SGCZ: variants seen among roughly 807,000 people sequenced by gnomAD.
SGCZ encodes sarcoglycan zeta.
Under a neutral mutation model 41.3 loss-of-function variants are expected in SGCZ, and 40 were observed. The observed-to-expected ratio is 0.97, with a 90% confidence interval of 0.75 to 1.26. The LOEUF (loss-of-function observed/expected upper bound fraction) is 1.26, where lower values mean the gene tolerates loss of function less well. Ranked by LOEUF, SGCZ falls within the 50% of genes most tolerant of loss-of-function variation. The pLI is 0.00. For synonymous variants in SGCZ, 206 were observed against 137.5 expected (o/e 1.50, Z -3.49); for missense variants, 552 against 369.8 (o/e 1.49, Z -4.04).
intron 1 of SGCZ, among the ~76,000 whole-genome samples, chr8:14,830,142 T>C (rs1802477553): frequency 6.6e-6 from 1 of 152,190 alleles, no homozygotes; most frequent in Non-Finnish European, 1.5e-5. Context: ...TTAAGTTGAA[T>C]TTCAGTTGTA....
In SGCZ at chr8:14,702,642, A is replaced by C. The variant is rs148342386; in HGVS notation, c.40-147716T>G. Among the ~76,000 whole-genome samples, 258 of 151,900 alleles carry C rather than the reference A, an allele frequency of 1.7e-3. 3 individuals are homozygous for C. Among genetic ancestry groups the C allele is most frequent in the African/African-American group, 6.1e-3 (251 of 41,468 alleles). On this transcript the variant is annotated intron_variant, in intron 1 of 7. Coordinates refer to ENST00000382080, the MANE Select transcript of SGCZ (RefSeq NM_139167.4). ...ATCTTAATAAAGGACACCGCTATTT[A>C]CTCAGTTGCTCAAGTCAAACACCTT...
chr8:15,027,028 A>G (rs998301703), intron 1 of SGCZ, among the ~76,000 whole-genome samples: 7 of 152,166 alleles, frequency 4.6e-5, no homozygotes, highest in Non-Finnish European at 1.0e-4. Context: ...GTAATTGTCA[A>G]TATTATTGTT....
At chr8:14,171,473 A>T (rs1804379436) in intron 4 of SGCZ, among the ~76,000 whole-genome samples, 1 of 152,030 alleles carries the variant, frequency 6.6e-6, no homozygotes, top group African/African-American at 2.4e-5. Flanking sequence ...TTCAACTGGT[A>T]GTATAATCTC....
Position 14,784,902 on chromosome 8 carries a change from C to CAAAAAAAAAAAAAAAAA in SGCZ, c.40-229977_40-229976insTTTTTTTTTTTTTTTTT, listed in dbSNP as rs1182679983. On this transcript the variant is annotated intron_variant, in intron 1 of 7. Transcript: ENST00000382080. ...GGGTAACAAGAGTGAAACTCTGCCT[C>CAAAAAAAAAAAAAAAAA]AAAAAAAAAAAATATATATATATAT... Among the ~76,000 whole-genome samples, 36 of 39,496 alleles carry CAAAAAAAAAAAAAAAAA rather than the reference C, an allele frequency of 9.1e-4. 2 individuals are homozygous for CAAAAAAAAAAAAAAAAA. Among genetic ancestry groups the CAAAAAAAAAAAAAAAAA allele is most frequent in the Non-Finnish European group, 1.0e-3 (25 of 24,530 alleles). The allele number at this position is 39,496 out of a possible 152,430, so 25.9% of individuals were successfully genotyped here. A position where few individuals can be genotyped will look rare whatever the true frequency, so the allele number is the denominator to read the frequency against.
chr8:14,127,412 TTTGA>T (rs1458111541), intron 5 of SGCZ, among the ~76,000 whole-genome samples: 2 of 152,116 alleles, frequency 1.3e-5, no homozygotes, highest in Non-Finnish European at 2.9e-5. Context: ...ATCTCATCAC[TTTGA>T]TTAATTTTAA....
chr8:14,182,835 C>T (rs1198504663), intron 4 of SGCZ, among the ~76,000 whole-genome samples: 4 of 151,850 alleles, frequency 2.6e-5, no homozygotes, highest in Admixed American at 2.6e-4. Flanking sequence ...CATTGTGAAA[C>T]CCCATCTCTA....
chr8:14,398,564 G>C (rs2117238560), intron 2 of SGCZ, among the ~76,000 whole-genome samples: 1 of 152,248 alleles, frequency 6.6e-6, no homozygotes, highest in African/African-American at 2.4e-5. Flanking sequence ...GAGGACAGCT[G>C]TCCTGGACAC....
At chr8:14,635,540 G>C (rs551798736) in intron 1 of SGCZ, among the ~76,000 whole-genome samples, 1 of 152,032 alleles carries the variant, frequency 6.6e-6, no homozygotes, top group African/African-American at 2.4e-5. Flanking sequence ...AAAATATTCA[G>C]TGGAAAATTC....
chr8:14,104,926 T>C (rs747679336), intron 6 of SGCZ, among the ~76,000 whole-genome samples: 3 of 152,138 alleles, frequency 2.0e-5, no homozygotes, highest in Non-Finnish European at 4.4e-5. Context: ...TATTCAGTAG[T>C]TAATGGATCT....
chr8:14,349,767 A>C (rs1803020021), intron 2 of SGCZ, among the ~76,000 whole-genome samples: 1 of 152,158 alleles, frequency 6.6e-6, no homozygotes, highest in Non-Finnish European at 1.5e-5. Context: ...AGCTTATAGT[A>C]CCTTAATATA....
At chr8:15,232,874 G>A (rs1198947719) in intron 1 of SGCZ, among the ~76,000 whole-genome samples, 3 of 151,036 alleles carry the variant, frequency 2.0e-5, no homozygotes, top group Non-Finnish European at 4.4e-5. Flanking sequence ...AATGAGTGAT[G>A]TGATTAATAT....
intron 1 of SGCZ, among the ~76,000 whole-genome samples, chr8:14,986,680 A>C (rs1462675253): frequency 6.6e-6 from 1 of 152,082 alleles, no homozygotes; most frequent in Non-Finnish European, 1.5e-5. Flanking sequence ...AGAGACTTCT[A>C]GGTTGAGACC....
At chr8:14,448,862 G>C (rs555669462) in intron 2 of SGCZ, among the ~76,000 whole-genome samples, 2 of 152,240 alleles carry the variant, frequency 1.3e-5, no homozygotes, top group South Asian at 4.2e-4. Flanking sequence ...CACTGACATA[G>C]CTGGGCGCTG....
At chr8:14,300,275 A>C (rs917427813) in intron 3 of SGCZ, among the ~76,000 whole-genome samples, 23 of 151,890 alleles carry the variant, frequency 1.5e-4, no homozygotes, top group African/African-American at 5.1e-4. Context: ...AGAAGGAAGG[A>C]AGGCATAAAG....
chr8:14,591,565 A>C (rs1256519435), intron 1 of SGCZ, among the ~76,000 whole-genome samples: 2 of 152,092 alleles, frequency 1.3e-5, no homozygotes, highest in Non-Finnish European at 2.9e-5. Context: ...ACAATATTTT[A>C]TTCTTCAAAT....
At chr8:14,263,885 A>G (rs1357247878) in intron 3 of SGCZ, among the ~76,000 whole-genome samples, 1 of 152,118 alleles carries the variant, frequency 6.6e-6, no homozygotes, top group African/African-American at 2.4e-5. Context: ...GAGGGAAGTA[A>G]TTGCAGGACT....
intron 5 of SGCZ, among the ~76,000 whole-genome samples, chr8:14,145,469 G>A (rs938460415): frequency 1.3e-5 from 2 of 152,124 alleles, no homozygotes; most frequent in Admixed American, 1.3e-4. Flanking sequence ...GAGAAGAATG[G>A]CTACAATAAT....
chr8:14,915,287 A>G (rs1304436370), intron 1 of SGCZ, among the ~76,000 whole-genome samples: 2 of 152,200 alleles, frequency 1.3e-5, no homozygotes, highest in African/African-American at 4.8e-5. Flanking sequence ...TCAACTTGGA[A>G]GATTAAGCAC....
chr8:15,001,157 A>G (rs7840310), intron 1 of SGCZ, among the ~76,000 whole-genome samples: 110,002 of 152,142 alleles, frequency 0.72, 40,368 homozygotes, highest in African/African-American at 0.85. Flanking sequence ...TTCTCTGAGT[A>G]TCAGGATGGA....
Sources: gnomAD v4.1 joint callset for allele counts (sites outside exome capture counted in the v4.1 genomes callset) on GRCh38, gnomAD v4.1.1 for gene constraint, MANE v1.5 for transcripts, NCBI Gene and HGNC (gene_info 2026-07-23, HGNC 2026-07-21) for gene names.